Variants in EPHA6 observed in about 807,000 individuals in gnomAD.
The protein encoded by EPHA6 is EPH receptor A6, also known as ephrin type-A receptor 6.
Under a neutral mutation model 112.0 loss-of-function variants are expected in EPHA6, and 50 were observed. The observed-to-expected ratio is 0.45, with a 90% confidence interval of 0.36 to 0.56. The LOEUF (loss-of-function observed/expected upper bound fraction) is 0.56. Among genes scored for constraint, EPHA6 ranks in the 20% least tolerant of loss-of-function variants. EPHA6 has a pLI of 0.00. For missense variants in EPHA6, 1,280 were observed against 1,417.4 expected (o/e 0.90, Z 1.56); for synonymous variants, 529 against 490.7 (o/e 1.08, Z -1.03).
chr3:97,304,336 G>T (rs1312344026), intron 5 of EPHA6, among the ~76,000 whole-genome samples: 3 of 151,834 alleles, frequency 2.0e-5, no homozygotes, highest in Non-Finnish European at 2.9e-5. Flanking sequence ...TTCAAGGAAA[G>T]GGGCAATGCT....
At chr3:97,307,088 A>G (rs1226180773) in intron 5 of EPHA6, among the ~76,000 whole-genome samples, 3 of 151,622 alleles carry the variant, frequency 2.0e-5, no homozygotes, top group Non-Finnish European at 4.4e-5. Context: ...CATCTAATTA[A>G]CTCTTTCTCT....
chr3:97,191,290 T>C (rs548624839), intron 3 of EPHA6, among the ~76,000 whole-genome samples: 1 of 152,222 alleles, frequency 6.6e-6, no homozygotes, highest in East Asian at 1.9e-4. Context: ...ATCCATCACC[T>C]CATGTATTTA....
chr3:97,222,790 A>T (rs2078245477), intron 3 of EPHA6, among the ~76,000 whole-genome samples: 1 of 152,250 alleles, frequency 6.6e-6, no homozygotes, highest in African/African-American at 2.4e-5. Flanking sequence ...GAGCACCTAC[A>T]TTATAACAAG....
intron 1 of EPHA6, among the ~76,000 whole-genome samples, chr3:96,843,991 TA>T (rs2034915960): frequency 6.6e-6 from 1 of 152,068 alleles, no homozygotes; most frequent in Non-Finnish European, 1.5e-5. Flanking sequence ...TATTTCCCAC[TA>T]AATCTTTCTT....
intron 1 of EPHA6, among the ~76,000 whole-genome samples, chr3:96,839,603 T>C (rs901286059): frequency 1.3e-5 from 2 of 151,940 alleles, no homozygotes; most frequent in African/African-American, 4.8e-5. Context: ...AGAAATAATA[T>C]TAATATTAAT....
intron 1 of EPHA6, among the ~76,000 whole-genome samples, chr3:96,853,112 T>C (rs2035492885): frequency 6.6e-6 from 1 of 152,094 alleles, no homozygotes; most frequent in South Asian, 2.1e-4. Context: ...CTCCATATAT[T>C]CACAGTTTGC....
rs140590616 is a variant in EPHA6, at chr3:97,584,815, A to C, written c.2387-7797A>C. ...CCCCATGTATTGAACATTTATTGCC[A>C]ACCGCTAATAGGCAGTCCTCATGTG... On this transcript the variant is annotated intron_variant, in intron 11 of 17. Coordinates refer to ENST00000389672, the MANE Select transcript of EPHA6 (RefSeq NM_001080448.3). 1.6e-3 allele frequency among the ~76,000 whole-genome samples: 250 copies of C among 152,336 alleles called. 5 individuals carry two copies. In the South Asian group the frequency reaches 0.024, roughly 15 times the overall value.
chr3:96,857,087 A>G lies in EPHA6; in HGVS notation c.386-9738A>G, dbSNP rs891577949. On this transcript the variant is annotated intron_variant, in intron 1 of 17. Coordinates refer to ENST00000389672, the MANE Select transcript of EPHA6 (RefSeq NM_001080448.3). ...CCATAATCTGTATCTTGGGTAATCA[A>G]TAAGTTAAGAAAACTGATCAATGTC... Among the ~76,000 whole-genome samples, 5 of 152,184 alleles carry G rather than the reference A, an allele frequency of 3.3e-5. No homozygotes were observed. In the East Asian group the frequency reaches 5.8e-4, roughly 18 times the overall value.
intron 3 of EPHA6, among the ~76,000 whole-genome samples, chr3:97,003,111 CT>C (rs1474694053): frequency 6.6e-6 from 1 of 151,646 alleles, no homozygotes; most frequent in Non-Finnish European, 1.5e-5. Context: ...AATTTCTTTT[CT>C]TTTTTTTCTT....
intron 4 of EPHA6, among the ~76,000 whole-genome samples, chr3:97,230,011 G>T (rs1189468799): frequency 2.0e-5 from 3 of 151,964 alleles, no homozygotes; most frequent in African/African-American, 4.8e-5. Flanking sequence ...AATCTTTCTT[G>T]CATGGTTACT....
intron 9 of EPHA6, chr3:97,481,472 A>G (rs1423447881): frequency 1.6e-6 from 2 of 1,237,880 alleles, no homozygotes; most frequent in African/African-American, 1.5e-5. Context: ...TTCAGAGGCA[A>G]TAAGGAAGGC....
chr3:97,345,268 A>C (rs546513619), intron 5 of EPHA6, among the ~76,000 whole-genome samples: 8 of 152,308 alleles, frequency 5.3e-5, no homozygotes, highest in Non-Finnish European at 8.8e-5. Context: ...TTTGGAGGTC[A>C]AAACAAACTG....
chr3:97,668,902 ACT>A (rs1382455723), intron 14 of EPHA6, among the ~76,000 whole-genome samples: 2 of 102,126 alleles, frequency 2.0e-5, no homozygotes, highest in African/African-American at 4.0e-5. Context: ...ACAGAGTGAG[ACT>A]CTGTCTCAAA....
intron 11 of EPHA6, among the ~76,000 whole-genome samples, chr3:97,534,703 A>G (rs573392626): frequency 6.6e-6 from 1 of 152,178 alleles, no homozygotes; most frequent in African/African-American, 2.4e-5. Context: ...AGAAACAGAG[A>G]GACAGAAGAA....
chr3:96,882,153 T>C (rs1265756134), intron 2 of EPHA6, among the ~76,000 whole-genome samples: 1 of 152,172 alleles, frequency 6.6e-6, no homozygotes, highest in Non-Finnish European at 1.5e-5. Flanking sequence ...GTAGGAACTC[T>C]GTGTGGAGGC....
chr3:97,734,900 A>T (rs936203497), intron 15 of EPHA6, among the ~76,000 whole-genome samples: 2 of 152,010 alleles, frequency 1.3e-5, no homozygotes, highest in South Asian at 2.1e-4. Flanking sequence ...ACATAAATTC[A>T]GGGTCAGTAT....
intron 5 of EPHA6, among the ~76,000 whole-genome samples, chr3:97,370,046 G>T (rs1211076564): frequency 1.3e-5 from 2 of 152,116 alleles, no homozygotes; most frequent in East Asian, 3.9e-4. Flanking sequence ...ATCTACCTCT[G>T]CCCTACAATC....
intron 1 of EPHA6, among the ~76,000 whole-genome samples, chr3:96,850,966 A>G (rs1192909873): frequency 1.3e-5 from 2 of 152,154 alleles, no homozygotes; most frequent in African/African-American, 4.8e-5. Flanking sequence ...CAAGTATTTT[A>G]AAAATAATTA....
intron 6 of EPHA6, among the ~76,000 whole-genome samples, chr3:97,414,181 G>A (rs1319551870): frequency 6.6e-6 from 1 of 151,892 alleles, no homozygotes; most frequent in East Asian, 1.9e-4. Context: ...TTTGAAATAG[G>A]AAAATTAAAT....
Sources: gnomAD v4.1 joint callset for allele counts (sites outside exome capture counted in the v4.1 genomes callset) on GRCh38, gnomAD v4.1.1 for gene constraint, MANE v1.5 for transcripts, NCBI Gene and HGNC (gene_info 2026-07-23, HGNC 2026-07-21) for gene names.